IGSF22: variants seen among roughly 807,000 people sequenced by gnomAD.
IGSF22 encodes the protein immunoglobulin superfamily, member 22.
In IGSF22, 119 loss-of-function variants were observed where a neutral mutation model predicts 127.0. The observed-to-expected ratio is 0.94, with a 90% CI of 0.81 to 1.09. The LOEUF (loss-of-function observed/expected upper bound fraction) is 1.09. Among genes scored for constraint, IGSF22 ranks in the 50% least tolerant of loss-of-function variants. The probability of loss-of-function intolerance (pLI) is 0.00; values close to 1 mark genes in which losing one functional copy is unlikely to be tolerated. For missense variants in IGSF22, 1,518 were observed against 1,716.6 expected (o/e 0.88, Z 2.04); for synonymous variants, 568 against 664.7 (o/e 0.85, Z 2.24).
intron 4 of IGSF22, 49 bp downstream of exon 4, chr11:18,721,486 C>A (rs1848570984): frequency 6.2e-7 from 1 of 1,612,980 alleles, no homozygotes; most frequent in Admixed American, 1.7e-5. Context: ...CCCTGGGGGT[C>A]CCTGCCTCTG....
intron 4 of IGSF22, among the ~76,000 whole-genome samples, chr11:18,720,856 T>G (rs1345077455): frequency 1.3e-5 from 2 of 152,248 alleles, no homozygotes; most frequent in African/African-American, 4.8e-5. Flanking sequence ...TGATGGGTCT[T>G]TGGGAGCAGA....
chr11:18,707,659 T>C (rs948210172), intron 20 of IGSF22, 145 bp downstream of exon 20: 16 of 663,090 alleles, frequency 2.4e-5, no homozygotes, highest in South Asian at 2.4e-4. Flanking sequence ...CTCTGTATGA[T>C]AAAGTCTTGC....
At chr11:18,719,693 C>A (rs774155108) in intron 7 of IGSF22, 23 bp downstream of exon 7, 2 of 1,611,096 alleles carry the variant, frequency 1.2e-6, no homozygotes, top group East Asian at 4.5e-5. Flanking sequence ...CCTGCAGGCC[C>A]CTGCTCCCTG....
intron 4 of IGSF22, 65 bp downstream of exon 4, chr11:18,721,469 CG>C: frequency 6.2e-7 from 1 of 1,606,504 alleles, no homozygotes; most frequent in Non-Finnish European, 8.5e-7. Flanking sequence ...AGAAGACTGG[CG>C]GCCCGCCCTG....
rs780626553 is a variant in IGSF22 at position 18,713,994 on chromosome 11, C to T, written c.1953G>A (p.Glu651=). The T allele has an allele frequency of 1.2e-6, 2 of 1,614,166 alleles. No homozygotes were observed. Among genetic ancestry groups the T allele is most frequent in the African/African-American group, 2.7e-5 (2 of 74,946 alleles). Residue 651 remains glutamate (E), a synonymous_variant, in exon 14 of 23, where the codon GAG becomes GAA. Coordinates refer to ENST00000513874, the MANE Select transcript of IGSF22 (RefSeq NM_173588.4). ...CCCCGCGCTCCATGGACACGCGTTC[C>T]TCCTCCGTCACTTCCATGCCATCCT... ...WYKDGMEVTE[E]ERVSMERGED... is the part of the protein sequence containing the mutation.
chr11:18,707,735 G>T, intron 20 of IGSF22, 69 bp downstream of exon 20: 1 of 1,339,790 alleles, frequency 7.5e-7, no homozygotes, highest in Non-Finnish European at 1.0e-6. Flanking sequence ...AACTCAAGCG[G>T]CACTGGGGAG....
rs201466035 is a variant in IGSF22 at position 18,718,722 on chromosome 11, G to A, written c.703C>T (p.Arg235Trp). 1.3e-3 allele frequency: 2,122 copies of A among 1,601,666 alleles called. 7 individuals carry two copies. Among genetic ancestry groups the A allele is most frequent in the Non-Finnish European group, 1.7e-3 (2,012 of 1,169,104 alleles). The change falls in exon 8 of 23, where the codon CGG becomes TGG. Residue 235 changes from arginine (R) to tryptophan (W), a missense_variant. Transcript: ENST00000513874. ...TTGTCTTCCAGGGGCTTCAGAATCC[G>A]GATGGCCTGAGAGATTATGATAATA... ...MKKKVEVEAI[R>W]ILKPLEDKET...
rs576675359 is a variant in IGSF22 at position 18,714,590 on chromosome 11, G to A, written c.1566C>T (p.Asp522=). The A allele has an allele frequency of 7.3e-5, 118 of 1,614,166 alleles. No homozygotes were observed. The East Asian group carries it at 2.3e-3, about 32-fold the overall frequency. Residue 522 remains aspartate (D), a synonymous_variant, in exon 12 of 23, where the codon GAC becomes GAT. Coordinates refer to ENST00000513874, the MANE Select transcript of IGSF22 (RefSeq NM_173588.4). The part of the protein sequence containing the change: ...RLATVKSGMS[D]VHAATGSPAE... ...CTGGGCTCCCAGTGGCCGCGTGCAC[G>A]TCGGACATCCCGCTCTTCACTGTGG...
rs760284882 is a variant in IGSF22, at chr11:18,707,803, C to T, written c.3280+1G>A. Reference sequence around the variant, plus strand: ...TGGAGGCCTCTGCCTTCTCTCCATACCTGCCACGCGCACATGGATGTCATA... The same window carrying T: ...TGGAGGCCTCTGCCTTCTCTCCATATCTGCCACGCGCACATGGATGTCATA... On this transcript the variant is annotated splice_donor_variant, in intron 20 of 22. Coordinates refer to ENST00000513874, the MANE Select transcript of IGSF22 (RefSeq NM_173588.4). LOFTEE classifies it high-confidence loss of function. 2 of 1,574,094 alleles carry T rather than the reference C, an allele frequency of 1.3e-6. No homozygotes were observed. Among genetic ancestry groups the T allele is most frequent in the South Asian group, 1.2e-5 (1 of 86,314 alleles).
At chr11:18,714,769 A>T in intron 11 of IGSF22, 145 bp from the exon 12 acceptor site, 1 of 849,966 alleles carries the variant, frequency 1.2e-6, no homozygotes, top group Non-Finnish European at 1.7e-6. Context: ...CGGCTTGCCA[A>T]TGTGGTCAAT....
Position 18,718,024 on chromosome 11 carries a change from T to C in IGSF22, c.880A>G (p.Met294Val), listed in dbSNP as rs755424104. 6 of 1,614,092 alleles carry C rather than the reference T, an allele frequency of 3.7e-6. No individual in the cohort carries two copies. The highest frequency in any genetic ancestry group is 4.5e-5 in the East Asian group (2 of 44,896). ...YDVKQMGTKY[M>V]LVISNVNMND... Reference sequence around the variant, plus strand: ...ATGTTCACGTTGCTAATAACCAGCATGTACTTGGTGCCCATCTGCTTCACA... The same window carrying C: ...ATGTTCACGTTGCTAATAACCAGCACGTACTTGGTGCCCATCTGCTTCACA... Residue 294 changes from methionine to valine, a missense_variant, in exon 9 of 23, where the codon ATG becomes GTG. Met to Val is a conservative substitution (Grantham distance 21). Coordinates refer to ENST00000513874, the MANE Select transcript of IGSF22 (RefSeq NM_173588.4).
intron 21 of IGSF22, 103 bp downstream of exon 21, chr11:18,706,811 T>C: frequency 1.1e-6 from 1 of 899,126 alleles, no homozygotes; most frequent in Non-Finnish European, 1.6e-6. Flanking sequence ...ATCTCAATGG[T>C]TTTCAGATTT....
rs1848300174 is a variant in IGSF22, at chr11:18,709,022, T to G, written c.2998+365A>C. 6.6e-6 allele frequency among the ~76,000 whole-genome samples: 1 copy of G among 152,186 alleles called. No homozygotes were observed. The highest frequency in any genetic ancestry group is 6.5e-5 in the Admixed American group (1 of 15,286). On this transcript the variant is annotated intron_variant, in intron 18 of 22. Transcript: ENST00000513874. This position sits in a 1 kb window ranked among gnomAD's most constrained non-coding sequence, Gnocchi z 4.8. ...AGTCAGAAGCAGGCTCCCTGGACTTTGAATTTTCGGGGAATTGATTTGGGT... is the reference window on the plus strand; with the variant it reads ...AGTCAGAAGCAGGCTCCCTGGACTTGGAATTTTCGGGGAATTGATTTGGGT...
In IGSF22 at chr11:18,710,321, A is replaced by G; in HGVS notation, c.2701+6T>C. The G allele has an allele frequency of 6.2e-7, 1 of 1,613,366 alleles. No individual in the cohort carries two copies. The highest frequency in any genetic ancestry group is 8.5e-7 in the Non-Finnish European group (1 of 1,179,398). On this transcript the variant is annotated splice_donor_region_variant and intron_variant, in intron 17 of 22. Coordinates refer to ENST00000513874, the MANE Select transcript of IGSF22 (RefSeq NM_173588.4). ...ATGTGTCAGGACCTGGCAGCCGCAT[A>G]CTCACTAACAGGATCCTTGGCCACT...
At position 18,710,667 on chromosome 11, in the gene IGSF22, C is replaced by T. The variant is rs1465200760; in HGVS notation, c.2560G>A (p.Asp854Asn). ...GSNLWVPVNK[D>N]PIQGTKCTVD... is the part of the protein sequence containing the mutation. ...CCAAGGACCTCACCCTGGATGGGGT[C>T]CTTGTTGACTGGCACCCACAGGTTG... The change falls in exon 16 of 23, where the codon GAC (aspartate) becomes AAC (asparagine). Residue 854 changes from aspartate (D) to asparagine (N), a missense_variant. Transcript: ENST00000513874. 3 of 1,612,704 alleles carry T rather than the reference C, an allele frequency of 1.9e-6. No individual in the cohort carries two copies. Among genetic ancestry groups the T allele is most frequent in the Non-Finnish European group, 2.5e-6 (3 of 1,178,872 alleles).
chr11:18,720,445 C>T (rs1472332110), intron 4 of IGSF22, among the ~76,000 whole-genome samples, 160 bp from the exon 5 acceptor site: 1 of 151,864 alleles, frequency 6.6e-6, no homozygotes, highest in Non-Finnish European at 1.5e-5. Context: ...TTTGGAGGTA[C>T]CAGCTAGCAG....
chr11:18,721,761 A>C, intron 3 of IGSF22, 90 bp from the exon 4 acceptor site: 6 of 1,590,274 alleles, frequency 3.8e-6, no homozygotes, highest in Non-Finnish European at 5.1e-6. Flanking sequence ...CCTCCCAGAC[A>C]CCTGGGCCTG....
Position 18,713,932 on chromosome 11 carries a change from C to G in IGSF22, c.2015G>C (p.Arg672Pro). ...QALLTISNCV[R>P]EDSGLILLKL... is the part of the protein sequence containing the mutation. ...GAGCAGGATGAGGCCGCTGTCTTCA[C>G]GCACACAGTTGGAGATGGTGAGCAG... Residue 672 changes from arginine (R) to proline (P), a missense_variant, in exon 14 of 23, where the codon CGT (arginine) becomes CCT (proline). Arg to Pro is a moderately radical substitution (Grantham distance 103). This residue lies in a region of IGSF22 where 1,456 missense variants were observed against 1,644.9 expected (regional missense o/e 0.89). Coordinates refer to ENST00000513874, the MANE Select transcript of IGSF22 (RefSeq NM_173588.4). 3 of 1,614,262 alleles carry G rather than the reference C, an allele frequency of 1.9e-6. No homozygotes were observed. The highest frequency in any genetic ancestry group is 2.5e-6 in the Non-Finnish European group (3 of 1,180,040).
chr11:18,709,146 C>T lies in IGSF22; in HGVS notation c.2998+241G>A, dbSNP rs963765234. Reference sequence around the variant, plus strand: ...GTGAACTGGTTTTGCGTGTACAATGCGCAAGAAGAACCCATTGGGTGGTTA... The same window carrying T: ...GTGAACTGGTTTTGCGTGTACAATGTGCAAGAAGAACCCATTGGGTGGTTA... On this transcript the variant is annotated intron_variant, in intron 18 of 22. Coordinates refer to ENST00000513874, the MANE Select transcript of IGSF22 (RefSeq NM_173588.4). The surrounding 1 kb of genome is among the most constrained non-coding windows in gnomAD (Gnocchi z 4.8). Among the ~76,000 whole-genome samples, 13 of 152,148 alleles carry T rather than the reference C, an allele frequency of 8.5e-5. No individual in the cohort carries two copies. The highest frequency in any genetic ancestry group is 5.2e-4 in the Admixed American group (8 of 15,276).
Sources: gnomAD v4.1 joint callset for allele counts (sites outside exome capture counted in the v4.1 genomes callset) on GRCh38, gnomAD v4.1.1 for gene constraint, gnomAD v4.1.1 regional missense constraint, Gnocchi (gnomAD v3.1) non-coding constraint, MANE v1.5 for transcripts, NCBI Gene and HGNC (gene_info 2026-07-23, HGNC 2026-07-21) for gene names.